AXDND1: variants seen among roughly 807,000 people sequenced by gnomAD.
AXDND1 encodes the protein axonemal dynein light chain domain containing 1.
A neutral mutation model predicts 137.5 loss-of-function variants in AXDND1; 110 were observed. The observed-to-expected ratio is 0.80, with a 90% CI of 0.69 to 0.94. The LOEUF (loss-of-function observed/expected upper bound fraction) is 0.94. Among genes scored for constraint, AXDND1 ranks in the 40% least tolerant of loss-of-function variants. The pLI is 0.00. For missense variants in AXDND1, 1,191 were observed against 1,169.8 expected (o/e 1.02, Z -0.26); for synonymous variants, 414 against 399.7 (o/e 1.04, Z -0.43).
intron 25 of AXDND1, chr1:179,551,878 G>C (rs191649074): frequency 4.9e-6 from 1 of 204,664 alleles, no homozygotes; most frequent in East Asian, 1.2e-4. Flanking sequence ...CCTGAAAGTG[G>C]GTGAAGAGGA....
chr1:179,462,069 T>C (rs1052312065), intron 16 of AXDND1, among the ~76,000 whole-genome samples: 17 of 152,176 alleles, frequency 1.1e-4, no homozygotes, highest in Non-Finnish European at 2.2e-4. Context: ...CTGGCCATAA[T>C]TTCCAACATT....
At chr1:179,462,820 G>A (rs191049783) in intron 16 of AXDND1, among the ~76,000 whole-genome samples, 24 of 152,194 alleles carry the variant, frequency 1.6e-4, no homozygotes, top group African/African-American at 4.8e-4. Context: ...GGTCTAGTCA[G>A]GGATTCAAAT....
intron 20 of AXDND1, among the ~76,000 whole-genome samples, chr1:179,507,247 G>GTAT (rs1269023579): frequency 6.6e-6 from 1 of 152,144 alleles, no homozygotes; most frequent in Admixed American, 6.5e-5. Context: ...TGATAAAAAG[G>GTAT]TATTATTGAA....
At chr1:179,519,120 G>A (rs559219706) in intron 21 of AXDND1, among the ~76,000 whole-genome samples, 1 of 152,088 alleles carries the variant, frequency 6.6e-6, no homozygotes, top group East Asian at 1.9e-4. Context: ...ATGGTTTTGA[G>A]TTGTATTTCT....
intron 16 of AXDND1, among the ~76,000 whole-genome samples, chr1:179,461,194 T>G (rs895879815): frequency 6.6e-6 from 1 of 152,314 alleles, no homozygotes; most frequent in Admixed American, 6.5e-5. Context: ...GGTCTAACAT[T>G]TAAGTCTTTA....
chr1:179,367,970 A>G (rs899306964), intron 2 of AXDND1, among the ~76,000 whole-genome samples: 1 of 144,816 alleles, frequency 6.9e-6, no homozygotes, highest in Admixed American at 6.7e-5. Context: ...GCCCCACCCA[A>G]CTTTTTTTTT....
At chr1:179,386,798 C>T (rs1175509871) in intron 9 of AXDND1, among the ~76,000 whole-genome samples, 3 of 152,060 alleles carry the variant, frequency 2.0e-5, no homozygotes, top group South Asian at 2.1e-4. Flanking sequence ...GATCTTGGCT[C>T]ATTGCAGCCT....
chr1:179,462,529 A>G (rs1042652745), intron 16 of AXDND1, among the ~76,000 whole-genome samples: 4 of 152,164 alleles, frequency 2.6e-5, no homozygotes, highest in Admixed American at 6.6e-5. Flanking sequence ...TGTCTCTGCC[A>G]GGCTTTGGTA....
At chr1:179,396,234 T>C (rs892880096) in intron 11 of AXDND1, among the ~76,000 whole-genome samples, 23 of 151,984 alleles carry the variant, frequency 1.5e-4, no homozygotes, top group Admixed American at 1.4e-3. Context: ...TATATCTATG[T>C]CTGTATCTCT....
At chr1:179,405,982 T>A (rs1652892366) in intron 11 of AXDND1, among the ~76,000 whole-genome samples, 1 of 152,132 alleles carries the variant, frequency 6.6e-6, no homozygotes, top group Non-Finnish European at 1.5e-5. Flanking sequence ...TTGAAATCTT[T>A]CTGCTCTTTT....
intron 20 of AXDND1, among the ~76,000 whole-genome samples, chr1:179,500,337 A>ATGTGTGTGTGTGTGTGTGTG (rs57654195): frequency 4.5e-5 from 6 of 133,816 alleles, no homozygotes; most frequent in Non-Finnish European, 9.5e-5. Context: ...AGGGTACATT[A>ATGTGTGTGTGTGTGTGTGTG]TGTGTGTGTG....
intron 17 of AXDND1, among the ~76,000 whole-genome samples, chr1:179,476,786 CGTT>C (rs959223388): frequency 3.0e-4 from 46 of 152,062 alleles, no homozygotes; most frequent in African/African-American, 1.1e-3. Context: ...AAGATTTTCT[CGTT>C]ATTTTGACTT....
intron 25 of AXDND1, chr1:179,544,933 C>T (rs1014311843): frequency 6.6e-6 from 1 of 152,178 alleles, no homozygotes; most frequent in Non-Finnish European, 1.5e-5. Context: ...TAGACTGTTT[C>T]ACAATAGTGA....
rs770044275 is a variant in AXDND1, at chr1:179,445,032, C to A, written c.1626C>A (p.Leu542=). 2 of 1,613,210 alleles carry A rather than the reference C, an allele frequency of 1.2e-6. No homozygotes were observed. The highest frequency in any genetic ancestry group is 4.5e-5 in the East Asian group (2 of 44,830). Residue 542 remains leucine, a synonymous_variant, in exon 16 of 26, where the codon CTC becomes CTA. Transcript: ENST00000367618. ...GDVLLSKYDT[L]KIIKHLQENW... is the part of the protein sequence containing the mutation. ...TTCTACTGTCAAAATACGATACTCTCAAGATTATTAAACATTTACAGGAAA... is the reference window on the plus strand; with the variant it reads ...TTCTACTGTCAAAATACGATACTCTAAAGATTATTAAACATTTACAGGAAA...
At chr1:179,400,904 C>CAAAAAAAAAAAA (rs151090012) in intron 11 of AXDND1, among the ~76,000 whole-genome samples, 69 of 53,664 alleles carry the variant, frequency 1.3e-3, no homozygotes, top group Middle Eastern at 0.025. Flanking sequence ...GACTCTGTCT[C>CAAAAAAAAAAAA]AAAAAAAAAA....
chr1:179,533,626 C>CTTTTTTTT (rs66461504), intron 23 of AXDND1, among the ~76,000 whole-genome samples, 169 bp from the exon 24 acceptor site: 3 of 136,238 alleles, frequency 2.2e-5, no homozygotes, highest in Non-Finnish European at 3.2e-5. Context: ...GAGACAATCC[C>CTTTTTTTT]TTTTTTTTTT....
chr1:179,474,026 C>T (rs1169635901), intron 17 of AXDND1, among the ~76,000 whole-genome samples: 1 of 152,050 alleles, frequency 6.6e-6, no homozygotes, highest in Non-Finnish European at 1.5e-5. Context: ...GCGTTTGACA[C>T]CACCCTGGCC....
intron 18 of AXDND1, among the ~76,000 whole-genome samples, chr1:179,490,754 C>T (rs1666780016): frequency 8.4e-6 from 1 of 119,034 alleles, no homozygotes; most frequent in Admixed American, 1.0e-4. Flanking sequence ...AATTTTCACA[C>T]AGTACTTGTT....
chr1:179,460,508 G>A (rs1021837123), intron 16 of AXDND1, among the ~76,000 whole-genome samples: 3 of 152,086 alleles, frequency 2.0e-5, no homozygotes, highest in Admixed American at 1.3e-4. Flanking sequence ...CACAATAAAC[G>A]TAGGTGTGCA....
Sources: gnomAD v4.1 joint callset for allele counts (sites outside exome capture counted in the v4.1 genomes callset) on GRCh38, gnomAD v4.1.1 for gene constraint, MANE v1.5 for transcripts, NCBI Gene and HGNC (gene_info 2026-07-23, HGNC 2026-07-21) for gene names.